The following ME3 variants were observed in gnomAD, a reference collection of about 807,000 sequenced individuals.
ME3 encodes NADP-dependent malic enzyme, mitochondrial.
Under a neutral mutation model 68.9 loss-of-function variants are expected in ME3, and 48 were observed. That is an observed-to-expected ratio of 0.70 (90% CI 0.55 to 0.89). The LOEUF is 0.89. Ranked by LOEUF, ME3 falls within the 40% of genes least tolerant of loss-of-function variation. ME3 has a pLI of 0.00. For synonymous variants in ME3, 320 were observed against 318.8 expected, an observed-to-expected ratio of 1.00 and a Z score of -0.04; for missense variants, 675 against 797.4, an observed-to-expected ratio of 0.85 and a Z score of 1.85.
At chr11:86,608,747 G>A (rs1455147225) in intron 2 of ME3, among the ~76,000 whole-genome samples, 1 of 152,204 alleles carries the variant, frequency 6.6e-6, no homozygotes, top group African/African-American at 2.4e-5. Context: ...GTAAGGCTGA[G>A]ATGAAATACA....
chr11:86,529,426 A>G (rs1164628870), intron 4 of ME3, among the ~76,000 whole-genome samples: 1 of 152,142 alleles, frequency 6.6e-6, no homozygotes, highest in Admixed American at 6.6e-5. Context: ...TCTACCAGAG[A>G]TACAGGGAGG....
chr11:86,472,353 T>C (rs577847872), intron 7 of ME3, among the ~76,000 whole-genome samples: 2 of 152,128 alleles, frequency 1.3e-5, no homozygotes, highest in East Asian at 1.9e-4. Flanking sequence ...GGCAGGAAGG[T>C]GGCGGGTGTT....
At chr11:86,498,758 T>C (rs1952528773) in intron 5 of ME3, among the ~76,000 whole-genome samples, 1 of 152,224 alleles carries the variant, frequency 6.6e-6, no homozygotes, top group East Asian at 1.9e-4. Flanking sequence ...AAGGCTTACC[T>C]ACTGTGAATT....
chr11:86,611,619 A>G (rs923501053), intron 2 of ME3, among the ~76,000 whole-genome samples: 1 of 141,834 alleles, frequency 7.1e-6, no homozygotes, highest in Non-Finnish European at 1.6e-5. Context: ...GGGGGGGGGA[A>G]GAAAAATGAA....
chr11:86,542,771 A>G (rs1419832400), intron 4 of ME3, among the ~76,000 whole-genome samples: 2 of 152,218 alleles, frequency 1.3e-5, no homozygotes, highest in Non-Finnish European at 2.9e-5. Context: ...CTAGCAAGGC[A>G]GGCCAACATT....
intron 2 of ME3, among the ~76,000 whole-genome samples, chr11:86,566,164 G>C (rs114350798): frequency 0.013 from 2,014 of 152,314 alleles, 54 homozygotes; most frequent in African/African-American, 0.046. Flanking sequence ...ACATCAAGAA[G>C]GAAGGGGCCA....
chr11:86,622,585 C>G (rs149741174), intron 2 of ME3: 1 of 152,156 alleles, frequency 6.6e-6, no homozygotes, highest in East Asian at 1.9e-4. Flanking sequence ...GAGACAATAT[C>G]TCGTTTCTTC....
chr11:86,551,556 G>A (rs146167615), intron 4 of ME3, among the ~76,000 whole-genome samples: 168 of 152,226 alleles, frequency 1.1e-3, no homozygotes, highest in Non-Finnish European at 2.0e-3. Flanking sequence ...ATTGGCTCTT[G>A]GTCAGCTGTG....
intron 2 of ME3, among the ~76,000 whole-genome samples, chr11:86,667,341 G>A (rs911484516): frequency 6.6e-6 from 1 of 152,206 alleles, no homozygotes; most frequent in African/African-American, 2.4e-5. Flanking sequence ...GAAGATTGGT[G>A]TGTTCTGGGA....
chr11:86,531,131 A>T lies in ME3; in HGVS notation c.468-22264T>A, dbSNP rs1010617026. On this transcript the variant is annotated intron_variant, in intron 4 of 14. Coordinates refer to ENST00000543262, the Ensembl canonical transcript of ME3. ...AAGGGCTAATATCCAGAATCTACAA[A>T]GAACTCAAACAAATTTACAAGAAAA... Among the ~76,000 whole-genome samples, 47 of 152,180 alleles carry T rather than the reference A, an allele frequency of 3.1e-4. No individual in the cohort carries two copies. The South Asian group carries it at 4.0e-3, about 13-fold the overall frequency.
At chr11:86,550,942 T>C (rs1010618919) in intron 4 of ME3, among the ~76,000 whole-genome samples, 2 of 151,986 alleles carry the variant, frequency 1.3e-5, no homozygotes, top group African/African-American at 4.8e-5. Flanking sequence ...AGGTGTGTAA[T>C]TCATGTCCCA....
intron 7 of ME3, among the ~76,000 whole-genome samples, chr11:86,477,812 T>C (rs1448103726): frequency 6.6e-6 from 1 of 151,952 alleles, no homozygotes; most frequent in Non-Finnish European, 1.5e-5. Context: ...TCCTAGAGAG[T>C]TGGGTGCTAG....
chr11:86,467,296 ATTC>A (rs1388480515), intron 7 of ME3, among the ~76,000 whole-genome samples: 7 of 152,188 alleles, frequency 4.6e-5, no homozygotes, highest in Non-Finnish European at 1.0e-4. Context: ...TCTGGCCACA[ATTC>A]TTCTTCACAG....
intron 5 of ME3, among the ~76,000 whole-genome samples, chr11:86,500,805 C>G (rs979553928): frequency 1.3e-5 from 2 of 152,118 alleles, no homozygotes; most frequent in Admixed American, 1.3e-4. Context: ...GGGTTCTTCT[C>G]CCCATTCGTC....
chr11:86,567,280 G>GGAAGGC (rs1565150241), intron 2 of ME3, among the ~76,000 whole-genome samples: 1 of 103,044 alleles, frequency 9.7e-6, no homozygotes. Context: ...GGAAGGAAGG[G>GGAAGGC]AGGAAAAGAG....
intron 2 of ME3, among the ~76,000 whole-genome samples, chr11:86,589,376 A>G (rs1958925937): frequency 6.6e-6 from 1 of 151,536 alleles, no homozygotes; most frequent in Non-Finnish European, 1.5e-5. Flanking sequence ...AGAAAGAGAG[A>G]GAATATATGA....
At chr11:86,444,929 C>G (rs1017657787) in intron 13 of ME3, among the ~76,000 whole-genome samples, 9 of 152,094 alleles carry the variant, frequency 5.9e-5, no homozygotes, top group Admixed American at 2.0e-4. Flanking sequence ...ATAAGTAGAT[C>G]CAGGAGAGGT....
At chr11:86,492,931 G>A (rs1952087166) in intron 6 of ME3, among the ~76,000 whole-genome samples, 1 of 152,146 alleles carries the variant, frequency 6.6e-6, no homozygotes, top group Admixed American at 6.6e-5. Flanking sequence ...GGGAGGTCAC[G>A]GGATTGGGTT....
chr11:86,521,113 G>C (rs1013737591), intron 4 of ME3, among the ~76,000 whole-genome samples: 10 of 152,212 alleles, frequency 6.6e-5, no homozygotes, highest in Admixed American at 1.3e-4. Flanking sequence ...GCTGTGGCCG[G>C]GTGTAGTGGC....
Sources: allele counts gnomAD v4.1 joint callset (sites outside exome capture counted in the v4.1 genomes callset), GRCh38; gene constraint gnomAD v4.1.1; transcripts MANE v1.5; gene names NCBI Gene and HGNC (gene_info 2026-07-23, HGNC 2026-07-21).